Variants in TBPL1 observed in about 807,000 individuals in gnomAD.
The protein encoded by TBPL1 is TATA box-binding protein-like 1.
A neutral mutation model predicts 22.1 loss-of-function variants in TBPL1; 4 were observed. The ratio of observed to expected loss-of-function variants is 0.18; its 90% CI spans 0.09 to 0.41. TBPL1 has a LOEUF of 0.41. Among genes scored for constraint, TBPL1 ranks in the 10% least tolerant of loss-of-function variants. The pLI is 1.00. For synonymous variants in TBPL1, 64 were observed against 71.0 expected, an observed-to-expected ratio of 0.90 and a Z score of 0.50; for missense variants, 115 against 222.3, an observed-to-expected ratio of 0.52 and a Z score of 3.07.
chr6:133,985,292 AAAAAAATATATATATATATAT>A lies in TBPL1; in HGVS notation c.481+623_481+643del, dbSNP rs1205721441. Among the ~76,000 whole-genome samples, 454 of 67,254 alleles carry A rather than the reference AAAAAAATATATATATATATAT, an allele frequency of 6.8e-3. 61 individuals are homozygous for A. Among genetic ancestry groups the A allele is most frequent in the African/African-American group, 0.026 (428 of 16,620 alleles). 44.1% of individuals were successfully genotyped at this position (67,254 alleles called of 152,430 possible). A position where few individuals can be genotyped will look rare whatever the true frequency, so the allele number is the denominator to read the frequency against. On this transcript the variant is annotated intron_variant, in intron 6 of 6. Coordinates refer to ENST00000237264, the MANE Select transcript of TBPL1 (RefSeq NM_004865.4). ...GACTCTGTCTAAAAAAAAAAAAAAA[AAAAAAATATATATATATATAT>A]ATATATATATATATATATATATATA... is the stretch of plus-strand genomic sequence containing the variant.
In TBPL1 at chr6:133,965,775, A is replaced by G. The variant is rs1234027063; in HGVS notation, c.-45+12350A>G. Among the ~76,000 whole-genome samples the G allele has an allele frequency of 1.3e-5, 2 of 152,228 alleles. 1 individual carries two copies. Among genetic ancestry groups the G allele is most frequent in the African/African-American group, 4.8e-5 (2 of 41,450 alleles). ...AGCTTGAGGACTACAGTGAGTAACT[A>G]GAAATCCTTTCCATTTTTGAACATT... On this transcript the variant is annotated intron_variant, in intron 1 of 6. Transcript: ENST00000237264.
intron 1 of TBPL1, among the ~76,000 whole-genome samples, chr6:133,968,136 G>A (rs577245332): frequency 6.6e-5 from 10 of 151,682 alleles, no homozygotes; most frequent in African/African-American, 1.2e-4. Flanking sequence ...CTACAGGCGC[G>A]TGCCACCACG....
chr6:133,971,579 GTGTTGT>G (rs150184171), intron 1 of TBPL1, among the ~76,000 whole-genome samples: 73,833 of 150,904 alleles, frequency 0.49, 18,617 homozygotes, highest in Non-Finnish European at 0.56. Context: ...CAATACATAG[GTGTTGT>G]TGTTGTTGTT....
intron 4 of TBPL1, 26 bp downstream of exon 4, chr6:133,982,906 C>T: frequency 6.3e-7 from 1 of 1,579,242 alleles, no homozygotes; most frequent in Non-Finnish European, 8.6e-7. Flanking sequence ...AGTATCTAAA[C>T]TACAAATATT....
rs1776562416 is a variant in TBPL1, at chr6:133,987,967, C to G, written c.*927C>G. ...GGACCTTTGTTTTTCTGGAAAGACT[C>G]AACACCTGTAGTTGTAGAGAAGTGA... On this transcript the variant is annotated 3_prime_UTR_variant, in exon 7 of 7. Coordinates refer to ENST00000237264, the MANE Select transcript of TBPL1 (RefSeq NM_004865.4). 1.3e-5 allele frequency: 2 copies of G among 152,072 alleles called. No homozygotes were observed. Among genetic ancestry groups the G allele is most frequent in the Admixed American group, 6.6e-5 (1 of 15,258 alleles). The allele number at this position is 152,072 out of a possible 1,614,324, so 9.4% of individuals were successfully genotyped here. A position where few individuals can be genotyped will look rare whatever the true frequency, so the allele number is the denominator to read the frequency against.
At chr6:133,958,899 AAGG>A (rs1197447417) in intron 1 of TBPL1, among the ~76,000 whole-genome samples, 58 of 152,272 alleles carry the variant, frequency 3.8e-4, no homozygotes, top group African/African-American at 1.4e-3. Flanking sequence ...TCCACACACT[AAGG>A]AGGTTGGCAA....
At chr6:133,978,470 AT>A (rs1308148845) in intron 1 of TBPL1, among the ~76,000 whole-genome samples, 2 of 152,196 alleles carry the variant, frequency 1.3e-5, no homozygotes, top group African/African-American at 4.8e-5. Context: ...CTTAAGACCA[AT>A]GGTAATAAAC....
At chr6:133,970,491 A>G (rs1407600585) in intron 1 of TBPL1, among the ~76,000 whole-genome samples, 1 of 152,224 alleles carries the variant, frequency 6.6e-6, no homozygotes, top group Non-Finnish European at 1.5e-5. Context: ...ATTATTAAAT[A>G]AAGTCCTAAT....
intron 6 of TBPL1, 67 bp downstream of exon 6, chr6:133,984,738 G>A: frequency 3.0e-6 from 4 of 1,333,882 alleles, no homozygotes; most frequent in Non-Finnish European, 4.3e-6. Context: ...CTCATACCAA[G>A]ATAGAAATAA....
intron 1 of TBPL1, among the ~76,000 whole-genome samples, chr6:133,972,071 G>A (rs1349092449): frequency 6.6e-6 from 1 of 152,084 alleles, no homozygotes; most frequent in Non-Finnish European, 1.5e-5. Flanking sequence ...AATTTGTTTG[G>A]TGGCAAGATT....
intron 4 of TBPL1, 59 bp from the exon 5 acceptor site, chr6:133,984,317 C>A (rs1216969054): frequency 2.3e-6 from 3 of 1,305,756 alleles, no homozygotes; most frequent in Admixed American, 4.2e-5. Context: ...CCATTATGAG[C>A]AGATTTTTTG....
intron 1 of TBPL1, among the ~76,000 whole-genome samples, chr6:133,954,461 A>G (rs1775893186): frequency 6.6e-6 from 1 of 152,222 alleles, no homozygotes; most frequent in Non-Finnish European, 1.5e-5. Context: ...GACTGTTAGC[A>G]CTATCTGGTT....
intron 1 of TBPL1, among the ~76,000 whole-genome samples, chr6:133,979,526 C>A (rs72982292): frequency 1.3e-5 from 2 of 152,096 alleles, no homozygotes; most frequent in Non-Finnish European, 2.9e-5. Context: ...TGGCAAGCTC[C>A]TGTCAAGTAA....
intron 1 of TBPL1, among the ~76,000 whole-genome samples, chr6:133,966,519 C>G (rs566423320): frequency 6.6e-6 from 1 of 152,182 alleles, no homozygotes; most frequent in African/African-American, 2.4e-5. Flanking sequence ...TTAACCTAGA[C>G]CTGTCCTGAG....
At chr6:133,956,587 C>T (rs372666231) in intron 1 of TBPL1, among the ~76,000 whole-genome samples, 5 of 152,164 alleles carry the variant, frequency 3.3e-5, no homozygotes, top group South Asian at 4.2e-4. Flanking sequence ...ATGTCCCTGC[C>T]CTGTGTGTGT....
At chr6:133,953,534 G>A (rs144149381) in intron 1 of TBPL1, 109 bp downstream of exon 1, 4,315 of 152,102 alleles carry the variant, frequency 0.028, 101 homozygotes, top group Non-Finnish European at 0.042. Context: ...GCCCGGGCCA[G>A]ACTTGGGGTG....
rs1385433009 is a variant in TBPL1 at position 133,985,288 on chromosome 6, AAAAAAAAAAATATATATATATATATATAT to A, written c.481+619_481+647del. Among the ~76,000 whole-genome samples the A allele has an allele frequency of 3.2e-5, 2 of 62,010 alleles. 1 individual carries two copies. 40.7% of individuals were successfully genotyped at this position (62,010 alleles called of 152,430 possible). Reference sequence around the variant, plus strand: ...GTGAGACTCTGTCTAAAAAAAAAAAAAAAAAAAAAATATATATATATATATATATATATATATATATATATATATACACA... The same window carrying A: ...GTGAGACTCTGTCTAAAAAAAAAAAAATATATATATATATATATATACACA... On this transcript the variant is annotated intron_variant, in intron 6 of 6. Transcript: ENST00000237264.
Position 133,980,114 on chromosome 6 carries a change from A to G in TBPL1, c.-12A>G. 1 of 1,486,728 alleles carries G rather than the reference A, an allele frequency of 6.7e-7. No individual in the cohort carries two copies. Among genetic ancestry groups the G allele is most frequent in the Non-Finnish European group, 9.0e-7 (1 of 1,116,222 alleles). The allele number at this position is 1,486,728 out of a possible 1,614,324, so 92.1% of individuals were successfully genotyped here. On this transcript the variant is annotated 5_prime_UTR_variant, in exon 2 of 7. Transcript: ENST00000237264. ...TCTTCGTGGTGGAAAGCTAAATTTT[A>G]AAACCACCCCAATGGATGCAGACAG... is the stretch of plus-strand genomic sequence containing the variant.
In TBPL1 at chr6:133,982,165, A is replaced by G. The variant is rs144303530; in HGVS notation, c.136-403A>G. ...TGGTAAGAGACCTGAATGAAGTGAG[A>G]ATATTGAGGGGATAATATTCCAAAT... On this transcript the variant is annotated intron_variant, in intron 2 of 6. Coordinates refer to ENST00000237264, the MANE Select transcript of TBPL1 (RefSeq NM_004865.4). Among the ~76,000 whole-genome samples, 284 of 152,316 alleles carry G rather than the reference A, an allele frequency of 1.9e-3. 2 individuals carry two copies. Among genetic ancestry groups the G allele is most frequent in the African/African-American group, 6.6e-3 (276 of 41,584 alleles).
Sources: gnomAD v4.1 joint callset for allele counts (sites outside exome capture counted in the v4.1 genomes callset) on GRCh38, gnomAD v4.1.1 for gene constraint, MANE v1.5 for transcripts, NCBI Gene and HGNC (gene_info 2026-07-23, HGNC 2026-07-21) for gene names.